AGBL4: variants seen among roughly 807,000 people sequenced by gnomAD.
The protein encoded by AGBL4 is AGBL carboxypeptidase 4.
In AGBL4, 58 loss-of-function variants were observed where a neutral mutation model predicts 66.4. The observed-to-expected ratio is 0.87, with a 90% CI of 0.71 to 1.09. AGBL4 has a LOEUF of 1.09. Ranked by LOEUF, AGBL4 falls within the 50% of genes least tolerant of loss-of-function variation. The pLI, the probability that AGBL4 is intolerant of heterozygous loss-of-function variation, is 0.00. For synonymous variants in AGBL4, 234 were observed against 222.9 expected (o/e 1.05, Z -0.44); for missense variants, 579 against 631.0 (o/e 0.92, Z 0.88).
At chr1:50,006,939 A>G (rs1349996743) in intron 1 of AGBL4, among the ~76,000 whole-genome samples, 1 of 152,204 alleles carries the variant, frequency 6.6e-6, no homozygotes, top group African/African-American at 2.4e-5. Flanking sequence ...TTAACACTGT[A>G]ATTGTGGTAC....
chr1:48,561,159 G>C (rs1453854027), intron 11 of AGBL4, among the ~76,000 whole-genome samples: 1 of 152,134 alleles, frequency 6.6e-6, no homozygotes, highest in Non-Finnish European at 1.5e-5. Context: ...TACACAGAAA[G>C]AGCATCACAT....
intron 1 of AGBL4, among the ~76,000 whole-genome samples, chr1:49,893,596 C>T (rs1648870292): frequency 6.6e-6 from 1 of 152,224 alleles, no homozygotes; most frequent in South Asian, 2.1e-4. Flanking sequence ...GTACTCCCTG[C>T]GAGCTATGGT....
At chr1:49,953,752 A>G (rs1256089426) in intron 1 of AGBL4, among the ~76,000 whole-genome samples, 6 of 151,992 alleles carry the variant, frequency 3.9e-5, no homozygotes, top group African/African-American at 1.4e-4. Context: ...AGCATTTTGG[A>G]TAAGAGATAC....
chr1:49,340,185 C>G (rs1427497903), intron 3 of AGBL4, among the ~76,000 whole-genome samples: 1 of 144,532 alleles, frequency 6.9e-6, no homozygotes, highest in African/African-American at 2.6e-5. Context: ...CTAAGCCTGG[C>G]TAGAATTAGT....
chr1:48,607,883 C>T (rs1185587061), intron 9 of AGBL4, among the ~76,000 whole-genome samples: 1 of 152,182 alleles, frequency 6.6e-6, no homozygotes, highest in Non-Finnish European at 1.5e-5. Context: ...TCACATTGGA[C>T]ATCATTTAAT....
At position 49,459,591 on chromosome 1, in the gene AGBL4, C is replaced by T. The variant is rs377040221; in HGVS notation, c.283-213727G>A. 1.9e-3 allele frequency among the ~76,000 whole-genome samples: 292 copies of T among 151,520 alleles called. 3 individuals carry two copies. Among genetic ancestry groups the T allele is most frequent in the South Asian group, 0.01 (49 of 4,804 alleles). The stretch of plus-strand genomic sequence containing the variant: ...ATCTTGCTAGGTCTACCAATTTCAT[C>T]ATCTTTTCAAAGAACCAGCTTTTTG... On this transcript the variant is annotated intron_variant, in intron 3 of 13. Transcript: ENST00000371839.
At chr1:49,029,184 T>C (rs1663998299) in intron 5 of AGBL4, among the ~76,000 whole-genome samples, 1 of 152,164 alleles carries the variant, frequency 6.6e-6, no homozygotes, top group Non-Finnish European at 1.5e-5. Context: ...GCCACTTCTA[T>C]TTAACATTCA....
intron 3 of AGBL4, among the ~76,000 whole-genome samples, chr1:49,340,338 T>G (rs1164192410): frequency 6.6e-6 from 1 of 152,076 alleles, no homozygotes. Context: ...CTCTAACCAG[T>G]AGAATTCCAC....
Position 49,108,775 on chromosome 1 carries a change from C to T in AGBL4, c.378-62975G>A, listed in dbSNP as rs1035101823. On this transcript the variant is annotated intron_variant, in intron 4 of 13. Transcript: ENST00000371839. ...GTGCCACCTGCCAGCAGGAGATAGGCCAGAGACAGAGAAGGGGTGACAGCC... is the reference window on the plus strand; with the variant it reads ...GTGCCACCTGCCAGCAGGAGATAGGTCAGAGACAGAGAAGGGGTGACAGCC... Among the ~76,000 whole-genome samples, 11 of 152,190 alleles carry T rather than the reference C, an allele frequency of 7.2e-5. No homozygotes were observed. The East Asian group carries it at 2.1e-3, about 29-fold the overall frequency.
At chr1:49,174,114 G>C (rs919636305) in intron 4 of AGBL4, among the ~76,000 whole-genome samples, 7 of 152,132 alleles carry the variant, frequency 4.6e-5, no homozygotes, top group Admixed American at 4.6e-4. Flanking sequence ...TTCTATATCA[G>C]AGGGAAGAGA....
intron 2 of AGBL4, among the ~76,000 whole-genome samples, chr1:49,762,451 C>A (rs1206662672): frequency 6.9e-6 from 1 of 144,758 alleles, no homozygotes; most frequent in South Asian, 2.2e-4. Context: ...CTTGCTCTGT[C>A]GCCCAGGCTG....
At chr1:49,259,344 T>A (rs1652873994) in intron 3 of AGBL4, among the ~76,000 whole-genome samples, 1 of 152,060 alleles carries the variant, frequency 6.6e-6, no homozygotes, top group Admixed American at 6.5e-5. Context: ...ATGCTCCAAT[T>A]AAAAGACACA....
rs780333770 is a variant in AGBL4 at position 48,574,537 on chromosome 1, C to CT, written c.1267+12466dup. On this transcript the variant is annotated intron_variant, in intron 11 of 13. Transcript: ENST00000371839. ...TATGTATATTTTTTTCTTTTCTTTT[C>CT]TTTTTTTTTTTTTTGAACTGACATC... Among the ~76,000 whole-genome samples, 175 of 123,988 alleles carry CT rather than the reference C, an allele frequency of 1.4e-3. 2 individuals carry two copies. Among genetic ancestry groups the CT allele is most frequent in the Middle Eastern group, 8.2e-3 (2 of 244 alleles). The allele number at this position is 123,988 out of a possible 152,430, so 81.3% of individuals were successfully genotyped here.
intron 3 of AGBL4, among the ~76,000 whole-genome samples, chr1:49,456,091 T>C (rs1646382238): frequency 6.6e-6 from 1 of 151,776 alleles, no homozygotes; most frequent in Admixed American, 6.6e-5. Flanking sequence ...ATAAAAATAC[T>C]GGAGTCCTGC....
At chr1:49,987,697 T>A (rs1406748643) in intron 1 of AGBL4, among the ~76,000 whole-genome samples, 1 of 152,050 alleles carries the variant, frequency 6.6e-6, no homozygotes, top group East Asian at 1.9e-4. Flanking sequence ...TATACACTTT[T>A]AAAATTTTTA....
intron 3 of AGBL4, among the ~76,000 whole-genome samples, chr1:49,662,414 G>A (rs1312813693): frequency 6.6e-6 from 1 of 152,064 alleles, no homozygotes; most frequent in East Asian, 1.9e-4. Flanking sequence ...AAGGCGAAGG[G>A]AAACATCTTT....
intron 6 of AGBL4, among the ~76,000 whole-genome samples, chr1:48,799,814 A>T (rs111942087): frequency 0.011 from 1,651 of 152,252 alleles, 27 homozygotes; most frequent in African/African-American, 0.037. Context: ...CGACTTGCAT[A>T]TGTTAAACTA....
At chr1:49,539,647 C>A (rs780244155) in intron 3 of AGBL4, among the ~76,000 whole-genome samples, 1 of 152,112 alleles carries the variant, frequency 6.6e-6, no homozygotes, top group Non-Finnish European at 1.5e-5. Flanking sequence ...TCCTAGGAGC[C>A]GCATATTTAT....
chr1:49,192,141 C>A (rs1285311670), intron 4 of AGBL4, among the ~76,000 whole-genome samples: 3 of 152,000 alleles, frequency 2.0e-5, no homozygotes, highest in African/African-American at 7.2e-5. Flanking sequence ...CTTTTTAATC[C>A]TAGCCATTCT....
Sources: allele counts gnomAD v4.1 joint callset (sites outside exome capture counted in the v4.1 genomes callset), GRCh38; gene constraint gnomAD v4.1.1; transcripts MANE v1.5; gene names NCBI Gene and HGNC (gene_info 2026-07-23, HGNC 2026-07-21).